ARHGAP31: variants seen among roughly 807,000 people sequenced by gnomAD.
ARHGAP31 encodes the protein rho GTPase-activating protein 31.
A neutral mutation model predicts 113.9 loss-of-function variants in ARHGAP31; 34 were observed. The ratio of observed to expected loss-of-function variants is 0.30; its 90% CI spans 0.23 to 0.40. ARHGAP31 has a LOEUF of 0.40. Ranked by LOEUF, ARHGAP31 falls within the 10% of genes least tolerant of loss-of-function variation. The pLI is 1.00. For missense variants in ARHGAP31, 1,548 were observed against 1,767.1 expected, an observed-to-expected ratio of 0.88 and a Z score of 2.22; for synonymous variants, 650 against 684.8, an observed-to-expected ratio of 0.95 and a Z score of 0.79.
At chr3:119,345,781 G>T (rs1229999767) in intron 1 of ARHGAP31, among the ~76,000 whole-genome samples, 2 of 152,152 alleles carry the variant, frequency 1.3e-5, no homozygotes, top group Non-Finnish European at 2.9e-5. Flanking sequence ...CTCTTCCCAG[G>T]TGCTTGAGGC....
intron 3 of ARHGAP31, among the ~76,000 whole-genome samples, chr3:119,372,343 G>A (rs1292630313): frequency 6.7e-6 from 1 of 150,184 alleles, no homozygotes; most frequent in Non-Finnish European, 1.5e-5. Context: ...GAGTGCAGTG[G>A]TGTGATCTCA....
At chr3:119,323,022 C>G (rs1279244040) in intron 1 of ARHGAP31, among the ~76,000 whole-genome samples, 1 of 152,232 alleles carries the variant, frequency 6.6e-6, no homozygotes, top group Non-Finnish European at 1.5e-5. Context: ...GGCGCTTCAG[C>G]TTCAGCAACG....
At chr3:119,376,305 A>G (rs1290867514) in intron 3 of ARHGAP31, among the ~76,000 whole-genome samples, 4 of 152,162 alleles carry the variant, frequency 2.6e-5, no homozygotes, top group South Asian at 4.1e-4. Flanking sequence ...CCTGGCCAAC[A>G]TGGTGAAACC....
chr3:119,345,162 T>C (rs1408759588), intron 1 of ARHGAP31, among the ~76,000 whole-genome samples: 1 of 151,772 alleles, frequency 6.6e-6, no homozygotes, highest in Non-Finnish European at 1.5e-5. Context: ...TTTTTTTGTA[T>C]TTTTTAGTAG....
At chr3:119,334,565 C>G (rs1047980593) in intron 1 of ARHGAP31, among the ~76,000 whole-genome samples, 4 of 152,140 alleles carry the variant, frequency 2.6e-5, no homozygotes, top group Non-Finnish European at 5.9e-5. Flanking sequence ...ACTTATCATC[C>G]AAGTTGGGGC....
rs1217909206 is a variant in ARHGAP31, at chr3:119,319,228, TA to T, written c.100+24238del. On this transcript the variant is annotated intron_variant, in intron 1 of 11. Transcript: ENST00000264245. ...GCACCTTCTGGATTTCATCATATAT[TA>T]AAAAAAAAAAAAACTCTAGAGTTTT... is the stretch of plus-strand genomic sequence containing the variant. Among the ~76,000 whole-genome samples the T allele has an allele frequency of 5.0e-3, 692 of 138,920 alleles. 4 individuals carry two copies. Among genetic ancestry groups the T allele is most frequent in the African/African-American group, 0.013 (487 of 38,108 alleles). 91.1% of individuals were successfully genotyped at this position (138,920 alleles called of 152,430 possible).
intron 1 of ARHGAP31, among the ~76,000 whole-genome samples, chr3:119,312,403 A>G (rs915874008): frequency 1.3e-5 from 2 of 152,154 alleles, no homozygotes; most frequent in African/African-American, 4.8e-5. Flanking sequence ...TGAGGTGAAA[A>G]ACTTTGTAAT....
intron 5 of ARHGAP31, 32 bp from the exon 6 acceptor site, chr3:119,383,052 C>T (rs770123367): frequency 1.2e-6 from 2 of 1,613,496 alleles, no homozygotes; most frequent in Non-Finnish European, 1.7e-6. Context: ...AAGGCAAACT[C>T]ACTAACTGAA....
At chr3:119,403,380 C>A (rs536746730) in intron 10 of ARHGAP31, among the ~76,000 whole-genome samples, 5 of 152,154 alleles carry the variant, frequency 3.3e-5, no homozygotes, top group Non-Finnish European at 5.9e-5. Flanking sequence ...GGATTTTAAT[C>A]CAGACTTTAA....
intron 1 of ARHGAP31, among the ~76,000 whole-genome samples, chr3:119,334,478 A>G (rs1263670756): frequency 6.6e-6 from 1 of 152,180 alleles, no homozygotes; most frequent in Non-Finnish European, 1.5e-5. Flanking sequence ...GTGATTAGGG[A>G]GCTTCAGCCT....
In ARHGAP31 at chr3:119,418,964, T is replaced by G. The variant is rs2080801349; in HGVS notation, c.*2700T>G. ...GTGGTCTGGGCTAGCCTGGCACTGA[T>G]GAAATTCCATTCTAAAGAAAGAAAA... On this transcript the variant is annotated 3_prime_UTR_variant, in exon 12 of 12. Transcript: ENST00000264245. The G allele has an allele frequency of 6.6e-6, 1 of 152,390 alleles. No individual in the cohort carries two copies. The highest frequency in any genetic ancestry group is 2.4e-5 in the African/African-American group (1 of 41,460). 9.4% of individuals were successfully genotyped at this position (152,390 alleles called of 1,614,324 possible). A position where few individuals can be genotyped will look rare whatever the true frequency, so the allele number is the denominator to read the frequency against.
rs1047272552 is a variant in ARHGAP31 at position 119,418,694 on chromosome 3, C to T, written c.*2430C>T. 2 of 152,210 alleles carry T rather than the reference C, an allele frequency of 1.3e-5. No homozygotes were observed. Among genetic ancestry groups the T allele is most frequent in the African/African-American group, 4.8e-5 (2 of 41,440 alleles). The allele number at this position is 152,210 out of a possible 1,614,324, so 9.4% of individuals were successfully genotyped here. On this transcript the variant is annotated 3_prime_UTR_variant, in exon 12 of 12. Transcript: ENST00000264245. ...CCTGTGTGGATTTATAAAATGGTTG[C>T]AAGATCTTTTAGACTCTGACATTTA...
chr3:119,313,601 A>G (rs76930289), intron 1 of ARHGAP31, among the ~76,000 whole-genome samples: 4,678 of 152,270 alleles, frequency 0.031, 196 homozygotes, highest in African/African-American at 0.082. Flanking sequence ...TGTCTGGTCA[A>G]TTGATACTCT....
intron 1 of ARHGAP31, among the ~76,000 whole-genome samples, chr3:119,335,367 G>GC (rs2079933549): frequency 6.6e-6 from 1 of 152,150 alleles, no homozygotes; most frequent in Non-Finnish European, 1.5e-5. Flanking sequence ...TTTAAAAATA[G>GC]CACTTATCAC....
At chr3:119,359,889 C>T (rs1016645514) in intron 1 of ARHGAP31, among the ~76,000 whole-genome samples, 4 of 151,586 alleles carry the variant, frequency 2.6e-5, no homozygotes, top group African/African-American at 9.7e-5. Context: ...CCGTGTGCAT[C>T]GCAACAGATG....
At chr3:119,326,361 T>G (rs893478301) in intron 1 of ARHGAP31, among the ~76,000 whole-genome samples, 11 of 152,016 alleles carry the variant, frequency 7.2e-5, no homozygotes, top group Non-Finnish European at 5.9e-5. Context: ...GAATGTGTCG[T>G]GCTACTGTAC....
intron 7 of ARHGAP31, among the ~76,000 whole-genome samples, chr3:119,391,589 A>ACCCCCCCACCCCCCCCCCCCCCC (rs2080503852): frequency 9.6e-6 from 1 of 103,756 alleles, no homozygotes; most frequent in African/African-American, 3.5e-5. Flanking sequence ...CTGGGTCTCT[A>ACCCCCCCACCCCCCCCCCCCCCC]CCCCCCCCTC....
At chr3:119,373,768 C>A (rs966085014) in intron 3 of ARHGAP31, among the ~76,000 whole-genome samples, 14 of 152,146 alleles carry the variant, frequency 9.2e-5, no homozygotes, top group Non-Finnish European at 1.2e-4. Flanking sequence ...CCAGCTGAGA[C>A]TGGCTTTTTT....
Position 119,325,100 on chromosome 3 carries a change from A to G in ARHGAP31, c.100+30096A>G, listed in dbSNP as rs1576994526. 1.1e-5 allele frequency: 4 copies of G among 370,228 alleles called. No homozygotes were observed. The East Asian group carries it at 2.3e-4, about 21-fold the overall frequency. 22.9% of individuals were successfully genotyped at this position (370,228 alleles called of 1,614,324 possible). Reference sequence around the variant, plus strand: ...GCTAATTAAAATATCTTCAAGTCACAGAATCACTGCCTTCTAGTAACTAGT... The same window carrying G: ...GCTAATTAAAATATCTTCAAGTCACGGAATCACTGCCTTCTAGTAACTAGT... On this transcript the variant is annotated intron_variant, in intron 1 of 11. Coordinates refer to ENST00000264245, the MANE Select transcript of ARHGAP31 (RefSeq NM_020754.4).
Sources: gnomAD v4.1 joint callset for allele counts (sites outside exome capture counted in the v4.1 genomes callset) on GRCh38, gnomAD v4.1.1 for gene constraint, MANE v1.5 for transcripts, NCBI Gene and HGNC (gene_info 2026-07-23, HGNC 2026-07-21) for gene names.